Variants in IKZF2 observed in about 807,000 individuals in gnomAD.
The protein encoded by IKZF2 is IKAROS family zinc finger 2.
Under a neutral mutation model 49.2 loss-of-function variants are expected in IKZF2, and 15 were observed. That is an observed-to-expected ratio of 0.30 (90% confidence interval 0.20 to 0.47). IKZF2 has a LOEUF of 0.47. IKZF2 is among the 20% of genes least tolerant of loss of function. IKZF2 has a pLI of 1.00. For missense variants in IKZF2, 567 were observed against 664.6 expected (o/e 0.85, Z 1.61); for synonymous variants, 227 against 221.4 (o/e 1.03, Z -0.23).
At chr2:213,048,522 T>C (rs538676816) in intron 6 of IKZF2, among the ~76,000 whole-genome samples, 5 of 152,180 alleles carry the variant, frequency 3.3e-5, no homozygotes, top group African/African-American at 9.6e-5. Flanking sequence ...TAAAGAACTT[T>C]TCATAAGAAA....
At chr2:213,048,518 A>C (rs1387052325) in intron 6 of IKZF2, among the ~76,000 whole-genome samples, 1 of 152,098 alleles carries the variant, frequency 6.6e-6, no homozygotes, top group African/African-American at 2.4e-5. Flanking sequence ...TCAATAAAGA[A>C]CTTTTCATAA....
intron 4 of IKZF2, among the ~76,000 whole-genome samples, chr2:213,092,748 T>C (rs1530236): frequency 0.88 from 133,897 of 152,224 alleles, 59,132 homozygotes; most frequent in African/African-American, 0.92. Flanking sequence ...TTCAAAAGGG[T>C]TTCTCTTGAA....
At chr2:213,105,583 G>A (rs534215868) in intron 4 of IKZF2, among the ~76,000 whole-genome samples, 1 of 150,128 alleles carries the variant, frequency 6.7e-6, no homozygotes, top group Non-Finnish European at 1.5e-5. Flanking sequence ...TAGTGTGTGG[G>A]GGGGGAAGGG....
At chr2:213,106,626 T>A in intron 4 of IKZF2, among the ~76,000 whole-genome samples, 1 of 135,770 alleles carries the variant, frequency 7.4e-6, no homozygotes, top group African/African-American at 2.8e-5. Flanking sequence ...GGCGACAGAG[T>A]GAGGGAAACC....
intron 6 of IKZF2, among the ~76,000 whole-genome samples, chr2:213,038,013 T>TAAA (rs3069569): frequency 6.8e-6 from 1 of 148,124 alleles, no homozygotes; most frequent in Non-Finnish European, 1.5e-5. Flanking sequence ...TTTCTATCCT[T>TAAA]AAAAAAAAAA....
At chr2:213,056,306 C>T (rs772888337) in intron 5 of IKZF2, among the ~76,000 whole-genome samples, 1 of 152,102 alleles carries the variant, frequency 6.6e-6, no homozygotes, top group Non-Finnish European at 1.5e-5. Flanking sequence ...CCAACAATTA[C>T]AGAAAGATGG....
chr2:213,136,771 C>T (rs548330384), intron 4 of IKZF2, among the ~76,000 whole-genome samples: 244 of 152,270 alleles, frequency 1.6e-3, no homozygotes, highest in African/African-American at 5.7e-3. Flanking sequence ...TGTTTACCCT[C>T]CGATATCCCA....
intron 4 of IKZF2, among the ~76,000 whole-genome samples, chr2:213,139,951 T>A (rs2060808169): frequency 6.6e-6 from 1 of 151,968 alleles, no homozygotes; most frequent in African/African-American, 2.4e-5. Flanking sequence ...AGTATTACGA[T>A]CTCACACAAA....
intron 4 of IKZF2, among the ~76,000 whole-genome samples, chr2:213,073,595 C>T (rs2125507911): frequency 6.6e-6 from 1 of 152,268 alleles, no homozygotes; most frequent in South Asian, 2.1e-4. Context: ...AATCAATGTA[C>T]ACTTCACCTT....
rs558009715 is a variant in IKZF2 at position 213,045,303 on chromosome 2, C to T, written c.574+4410G>A. 2.0e-5 allele frequency among the ~76,000 whole-genome samples: 3 copies of T among 152,306 alleles called. No individual in the cohort carries two copies. The East Asian group carries it at 5.8e-4, about 29-fold the overall frequency. On this transcript the variant is annotated intron_variant, in intron 6 of 8. Transcript: ENST00000434687. Reference sequence around the variant, plus strand: ...ATGCTAACTGTAGATGCAGTTTTAGCTGTACAATCTTTACTGGAGCATATT... The same window carrying T: ...ATGCTAACTGTAGATGCAGTTTTAGTTGTACAATCTTTACTGGAGCATATT...
intron 4 of IKZF2, among the ~76,000 whole-genome samples, chr2:213,144,249 G>A (rs180755741): frequency 6.6e-6 from 1 of 151,928 alleles, no homozygotes; most frequent in East Asian, 1.9e-4. Context: ...AGCATTGACT[G>A]TACAGTTGAT....
At chr2:213,126,057 C>A (rs992354161) in intron 4 of IKZF2, among the ~76,000 whole-genome samples, 1 of 152,146 alleles carries the variant, frequency 6.6e-6, no homozygotes, top group Non-Finnish European at 1.5e-5. Flanking sequence ...ACCGTTTTAA[C>A]TTTATACTAT....
At chr2:213,073,758 G>A (rs1464932830) in intron 4 of IKZF2, among the ~76,000 whole-genome samples, 1 of 152,168 alleles carries the variant, frequency 6.6e-6, no homozygotes. Flanking sequence ...CGCCAGGTCT[G>A]GAGTGCAGTG....
chr2:213,083,859 A>G (rs185491076), intron 4 of IKZF2, among the ~76,000 whole-genome samples: 286 of 151,608 alleles, frequency 1.9e-3, no homozygotes, highest in Admixed American at 3.1e-3. Flanking sequence ...GACTCCACAG[A>G]TTCTACATTA....
At position 213,006,706 on chromosome 2, in the gene IKZF2, G is replaced by C. The variant is rs1423189537; in HGVS notation, c.*654C>G. ...AGAAAAATAAGATCACAGGACCTCA[G>C]ATGTATTGTAGGTGGCCCTTAACTA... On this transcript the variant is annotated 3_prime_UTR_variant, in exon 9 of 9. Coordinates refer to ENST00000434687, the MANE Select transcript of IKZF2 (RefSeq NM_001387220.1). 6.6e-6 allele frequency: 1 copy of C among 152,502 alleles called. No homozygotes were observed. The highest frequency in any genetic ancestry group is 2.4e-5 in the African/African-American group (1 of 41,446). The allele number at this position is 152,502 out of a possible 1,614,324, so 9.4% of individuals were successfully genotyped here.
At chr2:213,098,730 A>G (rs1198651322) in intron 4 of IKZF2, among the ~76,000 whole-genome samples, 1 of 152,160 alleles carries the variant, frequency 6.6e-6, no homozygotes, top group African/African-American at 2.4e-5. Flanking sequence ...TCCAAAGCAA[A>G]GCATTCTCTC....
At chr2:213,021,919 TA>T in intron 7 of IKZF2, 73 bp downstream of exon 7, 1 of 1,463,036 alleles carries the variant, frequency 6.8e-7, no homozygotes, top group Non-Finnish European at 9.2e-7. Flanking sequence ...TTAAACAGCA[TA>T]AGATTTTATC....
chr2:213,095,740 TA>T (rs1468649505), intron 4 of IKZF2, among the ~76,000 whole-genome samples: 1 of 152,072 alleles, frequency 6.6e-6, no homozygotes, highest in East Asian at 1.9e-4. Context: ...CAGTTCATGC[TA>T]AGAAGCACAC....
chr2:213,128,718 G>A lies in IKZF2; in HGVS notation c.139+18990C>T, dbSNP rs6733059. Among the ~76,000 whole-genome samples, 7 of 151,280 alleles carry A rather than the reference G, an allele frequency of 4.6e-5. No individual in the cohort carries two copies. The East Asian group carries it at 7.8e-4, about 17-fold the overall frequency. On this transcript the variant is annotated intron_variant, in intron 4 of 8. Transcript: ENST00000434687. Reference sequence around the variant, plus strand: ...TCTCAGCTCACTGCAACCTCCACCCGCCAAGTTCAAACTATTCTCCTGCCT... The same window carrying A: ...TCTCAGCTCACTGCAACCTCCACCCACCAAGTTCAAACTATTCTCCTGCCT...
Sources: allele counts gnomAD v4.1 joint callset (sites outside exome capture counted in the v4.1 genomes callset), GRCh38; gene constraint gnomAD v4.1.1; transcripts MANE v1.5; gene names NCBI Gene and HGNC (gene_info 2026-07-23, HGNC 2026-07-21).